MYT1L: variants seen among roughly 807,000 people sequenced by gnomAD.
The protein encoded by MYT1L is myelin transcription factor 1 like.
A neutral mutation model predicts 126.7 loss-of-function variants in MYT1L; 12 were observed. The ratio of observed to expected loss-of-function variants is 0.09; its 90% CI spans 0.06 to 0.15. The LOEUF is 0.15. Among genes scored for constraint, MYT1L ranks in the 10% least tolerant of loss-of-function variants. MYT1L has a pLI of 1.00. For synonymous variants in MYT1L, 541 were observed against 604.2 expected, an observed-to-expected ratio of 0.90 and a Z score of 1.53; for missense variants, 979 against 1,585.2, an observed-to-expected ratio of 0.62 and a Z score of 6.49.
rs768816441 is a variant in MYT1L, at chr2:1,912,092, C to T, written c.1637G>A (p.Ser546Asn). 12 of 1,584,438 alleles carry T rather than the reference C, an allele frequency of 7.6e-6. No individual in the cohort carries two copies. In the Admixed American group the frequency reaches 8.5e-5, roughly 11 times the overall value. Residue 546 changes from serine (S) to asparagine (N), a missense_variant, in exon 12 of 25, where the codon AGT (serine) becomes AAT (asparagine). Ser to Asn is a conservative substitution (Grantham distance 46). Coordinates refer to ENST00000647738, the MANE Select transcript of MYT1L (RefSeq NM_001303052.2). This position sits in a 1 kb window ranked among gnomAD's most constrained non-coding sequence, Gnocchi z 4.3. ...GCCCGGAGTGGGGCACTTGAGGACA[C>T]TTTCATGCATGGCAAGGACTTGACA... Reference protein sequence around the residue: ...VPPEILAMHESVLKCPTPGCT... With the variant: ...VPPEILAMHENVLKCPTPGCT...
At chr2:1,956,233 C>CTGTCT (rs1159808045) in intron 8 of MYT1L, among the ~76,000 whole-genome samples, 3 of 124,866 alleles carry the variant, frequency 2.4e-5, no homozygotes, top group Non-Finnish European at 3.4e-5. Context: ...ATCTGTCTAT[C>CTGTCT]ATCTATCTAT....
intron 8 of MYT1L, among the ~76,000 whole-genome samples, chr2:1,967,796 C>T (rs908374407): frequency 6.6e-5 from 10 of 152,102 alleles, no homozygotes; most frequent in African/African-American, 1.7e-4. Context: ...CCGCAGGCCC[C>T]GAGCCCTGCC....
In MYT1L at chr2:1,948,733, T is replaced by A. The variant is rs1469648; in HGVS notation, c.153-5399A>T. Among the ~76,000 whole-genome samples, 172 of 147,688 alleles carry A rather than the reference T, an allele frequency of 1.2e-3. 1 individual carries two copies. In the East Asian group the frequency reaches 0.027, roughly 24 times the overall value. On this transcript the variant is annotated intron_variant, in intron 8 of 24. Transcript: ENST00000647738. The stretch of plus-strand genomic sequence containing the variant: ...GCTCACCCTGTCAGTGCCTCAGAGA[T>A]GCTGTGCACTCTGGTCACCTCCATG...
intron 5 of MYT1L, among the ~76,000 whole-genome samples, chr2:1,983,751 A>C (rs1344891607): frequency 6.6e-6 from 1 of 152,182 alleles, no homozygotes; most frequent in Non-Finnish European, 1.5e-5. Context: ...CCAGGGCTGG[A>C]ACTGCGAGCT....
intron 4 of MYT1L, among the ~76,000 whole-genome samples, chr2:2,024,297 T>C (rs1016238691): frequency 6.6e-6 from 1 of 152,154 alleles, no homozygotes; most frequent in African/African-American, 2.4e-5. Context: ...TATGTGTTGA[T>C]TAGAAACAAA....
chr2:2,011,245 G>A (rs1384817246), intron 4 of MYT1L, among the ~76,000 whole-genome samples: 3 of 151,960 alleles, frequency 2.0e-5, no homozygotes, highest in Non-Finnish European at 4.4e-5. Flanking sequence ...AAAAAAATTA[G>A]CCAGGCATGG....
chr2:2,201,625 G>C (rs1404376796), intron 2 of MYT1L, among the ~76,000 whole-genome samples: 3 of 151,796 alleles, frequency 2.0e-5, no homozygotes, highest in African/African-American at 7.3e-5. Flanking sequence ...TTGAACCCAG[G>C]AGGCGGAAGC....
chr2:1,800,541 C>T (rs6735754), intron 23 of MYT1L, among the ~76,000 whole-genome samples: 2,247 of 152,188 alleles, frequency 0.015, 50 homozygotes, highest in African/African-American at 0.047. Flanking sequence ...AAATCCCTTT[C>T]GGTTGCTTGG....
At chr2:1,993,448 A>G (rs1232690062) in intron 5 of MYT1L, among the ~76,000 whole-genome samples, 1 of 152,130 alleles carries the variant, frequency 6.6e-6, no homozygotes, top group African/African-American at 2.4e-5. Flanking sequence ...TCTGTTTACA[A>G]AACTTTTTTG....
At chr2:1,991,320 T>C (rs2061439007) in intron 5 of MYT1L, among the ~76,000 whole-genome samples, 1 of 152,066 alleles carries the variant, frequency 6.6e-6, no homozygotes, top group African/African-American at 2.4e-5. Context: ...TTCTTTTCTT[T>C]TTGGAGACTC....
chr2:2,161,920 G>T (rs896138734), intron 3 of MYT1L, among the ~76,000 whole-genome samples: 1 of 152,186 alleles, frequency 6.6e-6, no homozygotes, highest in African/African-American at 2.4e-5. Context: ...TAACGGAAGT[G>T]GTCCGAGAAC....
At chr2:2,301,150 G>T (rs555880778) in intron 1 of MYT1L, among the ~76,000 whole-genome samples, 1 of 152,068 alleles carries the variant, frequency 6.6e-6, no homozygotes, top group Non-Finnish European at 1.5e-5. Context: ...CTTTCGCTCC[G>T]TGCCAGCCTT....
chr2:1,869,451 G>C (rs1039548663), intron 18 of MYT1L, among the ~76,000 whole-genome samples: 2 of 152,252 alleles, frequency 1.3e-5, no homozygotes, highest in East Asian at 3.9e-4. Context: ...GCCGGTGCAC[G>C]CATGTGCGTG....
intron 3 of MYT1L, among the ~76,000 whole-genome samples, chr2:2,171,742 G>A (rs1346945436): frequency 3.3e-5 from 5 of 152,120 alleles, no homozygotes; most frequent in Non-Finnish European, 7.3e-5. Flanking sequence ...GGGTATAGAT[G>A]AGAAAATAAT....
chr2:1,843,754 C>A (rs968659342), intron 19 of MYT1L, among the ~76,000 whole-genome samples: 43 of 152,192 alleles, frequency 2.8e-4, no homozygotes, highest in African/African-American at 1.0e-3. Context: ...ACCACAGAGG[C>A]CGAGCTCCTG....
intron 3 of MYT1L, among the ~76,000 whole-genome samples, chr2:2,135,882 G>A (rs767568855): frequency 2.0e-5 from 3 of 152,080 alleles, no homozygotes; most frequent in East Asian, 1.9e-4. Context: ...GTCCTCTCTC[G>A]GGTCTCTTAA....
chr2:2,311,703 T>C (rs2095974052), intron 1 of MYT1L, among the ~76,000 whole-genome samples: 1 of 152,070 alleles, frequency 6.6e-6, no homozygotes, highest in Non-Finnish European at 1.5e-5. Context: ...TGCTGCAAGA[T>C]AGGGGAGCAG....
chr2:2,291,185 T>G (rs2095593889), intron 1 of MYT1L, among the ~76,000 whole-genome samples: 1 of 152,134 alleles, frequency 6.6e-6, no homozygotes. Context: ...GAAGCGAGAA[T>G]GATGAAAAAA....
chr2:1,998,988 A>G (rs2062121010), intron 4 of MYT1L, among the ~76,000 whole-genome samples: 1 of 152,236 alleles, frequency 6.6e-6, no homozygotes, highest in Non-Finnish European at 1.5e-5. Flanking sequence ...TGACCCAAGC[A>G]ACAAGCAAAA....
Sources: gnomAD v4.1 joint callset for allele counts (sites outside exome capture counted in the v4.1 genomes callset) on GRCh38, gnomAD v4.1.1 for gene constraint, Gnocchi (gnomAD v3.1) non-coding constraint, MANE v1.5 for transcripts, NCBI Gene and HGNC (gene_info 2026-07-23, HGNC 2026-07-21) for gene names.